The following ZNF521 variants were observed in gnomAD, a reference collection of about 807,000 sequenced individuals.
ZNF521 encodes LYST-interacting protein 3.
A neutral mutation model predicts 105.5 loss-of-function variants in ZNF521; 14 were observed. The observed-to-expected ratio is 0.13, with a 90% CI of 0.09 to 0.21. The LOEUF (loss-of-function observed/expected upper bound fraction) is 0.21, where lower values mean the gene tolerates loss of function less well. Ranked by LOEUF, ZNF521 falls within the 10% of genes least tolerant of loss-of-function variation. The pLI is 1.00. For synonymous variants in ZNF521, 635 were observed against 606.0 expected, an observed-to-expected ratio of 1.05 and a Z score of -0.70; for missense variants, 1,233 against 1,629.7, an observed-to-expected ratio of 0.76 and a Z score of 4.19.
At position 25,246,164 on chromosome 18, in the gene ZNF521, T is replaced by C. The variant is rs537236720; in HGVS notation, c.221-18467A>G. On this transcript the variant is annotated intron_variant, in intron 3 of 7. Coordinates refer to ENST00000361524, the MANE Select transcript of ZNF521 (RefSeq NM_015461.3). Reference sequence around the variant, plus strand: ...GGGTGCAGCACATCAACATGGCACATGTATACATATGTAACAAACCTGCAC... The same window carrying C: ...GGGTGCAGCACATCAACATGGCACACGTATACATATGTAACAAACCTGCAC... 2.4e-3 allele frequency among the ~76,000 whole-genome samples: 358 copies of C among 152,262 alleles called. 1 individual carries two copies. The highest frequency in any genetic ancestry group is 7.8e-3 in the African/African-American group (324 of 41,528).
At chr18:25,074,055 T>TGTGTGTGCGTGC (rs11270627) in intron 7 of ZNF521, among the ~76,000 whole-genome samples, 8 of 106,012 alleles carry the variant, frequency 7.5e-5, no homozygotes, top group African/African-American at 2.6e-4. Flanking sequence ...TCTGTGCACA[T>TGTGTGTGCGTGC]GTGTGCGCAC....
chr18:25,178,772 A>G (rs1281032413), intron 5 of ZNF521, among the ~76,000 whole-genome samples: 1 of 152,336 alleles, frequency 6.6e-6, no homozygotes, highest in South Asian at 2.1e-4. Flanking sequence ...AATGACATCA[A>G]CATCAGGCTT....
intron 3 of ZNF521, among the ~76,000 whole-genome samples, chr18:25,285,736 G>A (rs893131570): frequency 1.3e-5 from 2 of 150,218 alleles, no homozygotes; most frequent in Admixed American, 6.6e-5. Context: ...ACACACGTAC[G>A]CGCCTGCGCG....
At chr18:25,174,173 CA>C (rs2035495731) in intron 5 of ZNF521, among the ~76,000 whole-genome samples, 1 of 151,850 alleles carries the variant, frequency 6.6e-6, no homozygotes, top group Non-Finnish European at 1.5e-5. Context: ...TTCTGGAAAA[CA>C]AAAAATCAGA....
chr18:25,069,218 C>T (rs970229240), intron 7 of ZNF521, among the ~76,000 whole-genome samples: 1 of 152,110 alleles, frequency 6.6e-6, no homozygotes, highest in Non-Finnish European at 1.5e-5. Flanking sequence ...CCTTTTCATT[C>T]CCAACTTCTT....
At chr18:25,157,984 C>T (rs1467459731) in intron 5 of ZNF521, among the ~76,000 whole-genome samples, 1 of 152,122 alleles carries the variant, frequency 6.6e-6, no homozygotes, top group African/African-American at 2.4e-5. Flanking sequence ...GAACTCCTGA[C>T]CTCAGGTGAT....
rs1487252605 is a variant in ZNF521, at chr18:25,198,593, T to C, written c.3574-3349A>G. On this transcript the variant is annotated intron_variant, in intron 4 of 7. Transcript: ENST00000361524. ...GAATAGATTAAAAAAAATCAGTGCA[T>C]AGTAATCCTCAAAAACAGAAAAGAA... is the stretch of plus-strand genomic sequence containing the variant. 3.3e-5 allele frequency among the ~76,000 whole-genome samples: 5 copies of C among 151,760 alleles called. 1 individual carries two copies. Among genetic ancestry groups the C allele is most frequent in the Admixed American group, 6.6e-5 (1 of 15,194 alleles).
chr18:25,298,849 T>C (rs773150556), intron 3 of ZNF521, among the ~76,000 whole-genome samples: 5 of 151,912 alleles, frequency 3.3e-5, no homozygotes, highest in Non-Finnish European at 5.9e-5. Flanking sequence ...CTTCACAGAG[T>C]GAAATAAATC....
At chr18:25,344,347 T>C (rs1031260328) in intron 2 of ZNF521, among the ~76,000 whole-genome samples, 6 of 152,230 alleles carry the variant, frequency 3.9e-5, no homozygotes, top group African/African-American at 1.4e-4. Flanking sequence ...ACAGAGCTAT[T>C]TAAATTTACT....
chr18:25,226,900 G>A lies in ZNF521; in HGVS notation c.1018C>T (p.His340Tyr), dbSNP rs1341137112. 1 of 1,613,778 alleles carries A rather than the reference G, an allele frequency of 6.2e-7. No homozygotes were observed. The highest frequency in any genetic ancestry group is 8.5e-7 in the Non-Finnish European group (1 of 1,180,014). The change falls in exon 4 of 8, where the codon CAC becomes TAC. Residue 340 changes from histidine to tyrosine, a missense_variant. Physicochemically the swap from His to Tyr is moderately conservative, Grantham distance 83 (BLOSUM62 2). Transcript: ENST00000361524. The surrounding 1 kb of genome is among the most constrained non-coding windows in gnomAD (Gnocchi z 4.1). ...DSHQQPESCN[H>Y]SNSPSLVTVG... The stretch of plus-strand genomic sequence containing the variant: ...GTGACCAGGGAAGGGCTGTTGCTGT[G>A]ATTGCATGACTCCGGTTGCTGGTGA...
chr18:25,183,373 T>G (rs1452679482), intron 5 of ZNF521, among the ~76,000 whole-genome samples: 1 of 152,194 alleles, frequency 6.6e-6, no homozygotes, highest in Non-Finnish European at 1.5e-5. Flanking sequence ...GTACTCTATG[T>G]AATTAATGCT....
At chr18:25,327,486 C>A (rs1913288769) in intron 2 of ZNF521, 2 of 1,110,420 alleles carry the variant, frequency 1.8e-6, no homozygotes, top group Non-Finnish European at 1.1e-6. Flanking sequence ...TTAAAATAAA[C>A]CATATCTGAA....
intron 3 of ZNF521, among the ~76,000 whole-genome samples, chr18:25,281,177 T>G (rs1910356577): frequency 6.6e-6 from 1 of 152,234 alleles, no homozygotes; most frequent in Admixed American, 6.5e-5. Context: ...TGCATGGTAT[T>G]TGATCTGCAG....
chr18:25,332,792 T>C (rs927761526), intron 2 of ZNF521, among the ~76,000 whole-genome samples: 1 of 152,136 alleles, frequency 6.6e-6, no homozygotes, highest in Admixed American at 6.5e-5. Context: ...AATGACCACC[T>C]CACCAAATGT....
intron 7 of ZNF521, among the ~76,000 whole-genome samples, chr18:25,087,137 A>G (rs1170567778): frequency 6.6e-6 from 1 of 152,168 alleles, no homozygotes; most frequent in Non-Finnish European, 1.5e-5. Flanking sequence ...TTTAAGATGG[A>G]AAATGATAGT....
chr18:25,232,607 T>G (rs112473062), intron 3 of ZNF521, among the ~76,000 whole-genome samples: 2,132 of 152,272 alleles, frequency 0.014, 52 homozygotes, highest in African/African-American at 0.049. Context: ...AGACCATAAA[T>G]CTGTGCTTAC....
intron 2 of ZNF521, chr18:25,327,729 G>A (rs777093201): frequency 1.5e-5 from 8 of 517,058 alleles, no homozygotes; most frequent in South Asian, 4.2e-5. Flanking sequence ...GAAATAAATC[G>A]CACACTGTTA....
intron 5 of ZNF521, among the ~76,000 whole-genome samples, chr18:25,094,154 C>A (rs2144227748): frequency 6.6e-6 from 1 of 152,264 alleles, no homozygotes; most frequent in Middle Eastern, 3.4e-3. Context: ...TGTAATAGAT[C>A]TGGCAGGTTT....
At chr18:25,165,691 T>C (rs913736774) in intron 5 of ZNF521, among the ~76,000 whole-genome samples, 4 of 152,230 alleles carry the variant, frequency 2.6e-5, no homozygotes, top group African/African-American at 7.2e-5. Context: ...TAATCACAAG[T>C]ACAGCTGCAT....
Sources: allele counts gnomAD v4.1 joint callset (sites outside exome capture counted in the v4.1 genomes callset), GRCh38; gene constraint gnomAD v4.1.1; non-coding constraint Gnocchi (gnomAD v3.1); transcripts MANE v1.5; gene names NCBI Gene and HGNC (gene_info 2026-07-23, HGNC 2026-07-21).